Variants in TMEM108 observed in about 807,000 individuals in gnomAD.
TMEM108 encodes cancer/testis antigen 124.
A neutral mutation model predicts 35.1 loss-of-function variants in TMEM108; 12 were observed. The ratio of observed to expected loss-of-function variants is 0.34; its 90% CI spans 0.22 to 0.55. The LOEUF (loss-of-function observed/expected upper bound fraction) is 0.55. Among genes scored for constraint, TMEM108 ranks in the 20% least tolerant of loss-of-function variants. TMEM108 has a pLI of 0.89. For missense variants in TMEM108, 680 were observed against 753.3 expected (o/e 0.90, Z 1.14); for synonymous variants, 287 against 308.6 (o/e 0.93, Z 0.73).
At chr3:133,180,573 A>T (rs1439845391) in intron 2 of TMEM108, among the ~76,000 whole-genome samples, 2 of 152,152 alleles carry the variant, frequency 1.3e-5, no homozygotes, top group Non-Finnish European at 2.9e-5. Context: ...ATCCACAAAA[A>T]ACCTTTCCCC....
At chr3:133,271,968 C>T (rs567330699) in intron 3 of TMEM108, among the ~76,000 whole-genome samples, 2 of 152,236 alleles carry the variant, frequency 1.3e-5, no homozygotes, top group Non-Finnish European at 1.5e-5. Context: ...CAAATAACAG[C>T]TATTGACAAA....
chr3:133,106,515 C>T (rs1944155486), intron 2 of TMEM108, among the ~76,000 whole-genome samples: 1 of 152,160 alleles, frequency 6.6e-6, no homozygotes, highest in Admixed American at 6.5e-5. Context: ...CCATGATCCC[C>T]AGCTACTGGT....
At chr3:133,100,508 G>A (rs1325841359) in intron 2 of TMEM108, among the ~76,000 whole-genome samples, 6 of 152,208 alleles carry the variant, frequency 3.9e-5, no homozygotes, top group African/African-American at 1.4e-4. Flanking sequence ...GGGAGGCTGA[G>A]GTGGGAGTAT....
At chr3:133,315,029 G>T (rs868653232) in intron 3 of TMEM108, among the ~76,000 whole-genome samples, 1 of 152,024 alleles carries the variant, frequency 6.6e-6, no homozygotes, top group South Asian at 2.1e-4. Context: ...TTTTGTCTCG[G>T]TTTTCCTGTT....
chr3:133,078,300 A>G (rs1042271623), intron 2 of TMEM108, among the ~76,000 whole-genome samples: 2 of 152,082 alleles, frequency 1.3e-5, no homozygotes, highest in African/African-American at 4.8e-5. Flanking sequence ...ACATGCACTC[A>G]TTTTATATCA....
intron 2 of TMEM108, among the ~76,000 whole-genome samples, chr3:133,228,251 A>C (rs1373843222): frequency 6.6e-6 from 1 of 152,208 alleles, no homozygotes; most frequent in Non-Finnish European, 1.5e-5. Flanking sequence ...GAAAACAAAA[A>C]ACCTGGCATG....
intron 3 of TMEM108, among the ~76,000 whole-genome samples, chr3:133,234,731 G>C (rs1946208141): frequency 1.3e-5 from 2 of 152,096 alleles, no homozygotes; most frequent in South Asian, 4.1e-4. Context: ...ATTCAACATA[G>C]TGTTGGAAGT....
At position 133,167,161 on chromosome 3, in the gene TMEM108, T is replaced by C. The variant is rs541848338; in HGVS notation, c.-46-62105T>C. ...CTAGATTAGCTAGAGAGAGCACTGA[T>C]TGGTGCGTTTACAAACCTTGAGCTA... is the stretch of plus-strand genomic sequence containing the variant. On this transcript the variant is annotated intron_variant, in intron 2 of 5. Transcript: ENST00000321871. Among the ~76,000 whole-genome samples, 31 of 152,358 alleles carry C rather than the reference T, an allele frequency of 2.0e-4. 1 individual carries two copies. In the South Asian group the frequency reaches 5.6e-3, roughly 27 times the overall value.
rs867576971 is a variant in TMEM108, at chr3:133,255,066, A to T, written c.40+25715A>T. Among the ~76,000 whole-genome samples, 18 of 152,248 alleles carry T rather than the reference A, an allele frequency of 1.2e-4. 1 individual carries two copies. Among genetic ancestry groups the T allele is most frequent in the South Asian group, 6.2e-4 (3 of 4,832 alleles). On this transcript the variant is annotated intron_variant, in intron 3 of 5. Transcript: ENST00000321871. ...GTGCAGAGAGAACCAGATAGAAGTC[A>T]TATAATCCTTTCTAACCTACCTTCA... is the stretch of plus-strand genomic sequence containing the variant.
intron 4 of TMEM108, among the ~76,000 whole-genome samples, chr3:133,383,455 G>A (rs1475082299): frequency 2.0e-5 from 3 of 152,188 alleles, no homozygotes; most frequent in Admixed American, 1.3e-4. Context: ...CCCATTGTGT[G>A]CCAGACACTG....
intron 3 of TMEM108, among the ~76,000 whole-genome samples, chr3:133,263,114 A>G (rs1249702602): frequency 6.6e-6 from 1 of 152,210 alleles, no homozygotes; most frequent in Non-Finnish European, 1.5e-5. Context: ...CAGGTGAGGT[A>G]GAGACCATAT....
At chr3:133,219,672 A>G (rs1184239554) in intron 2 of TMEM108, among the ~76,000 whole-genome samples, 3 of 152,048 alleles carry the variant, frequency 2.0e-5, no homozygotes, top group Non-Finnish European at 2.9e-5. Context: ...ATTGACTTTT[A>G]GTATTATACT....
At chr3:133,132,266 G>A (rs892641824) in intron 2 of TMEM108, among the ~76,000 whole-genome samples, 1 of 152,318 alleles carries the variant, frequency 6.6e-6, no homozygotes, top group East Asian at 1.9e-4. Context: ...GACTTTCATA[G>A]CTAGAGAATA....
At chr3:133,096,531 G>A (rs1944017280) in intron 2 of TMEM108, among the ~76,000 whole-genome samples, 1 of 152,122 alleles carries the variant, frequency 6.6e-6, no homozygotes, top group Non-Finnish European at 1.5e-5. Context: ...ATCAGCACAG[G>A]CTTTCTTGTC....
intron 3 of TMEM108, among the ~76,000 whole-genome samples, chr3:133,304,036 C>T (rs769559455): frequency 3.3e-5 from 5 of 152,194 alleles, no homozygotes; most frequent in African/African-American, 7.2e-5. Flanking sequence ...CTCTGCCATG[C>T]TAACAACTTC....
intron 3 of TMEM108, among the ~76,000 whole-genome samples, chr3:133,315,723 C>A (rs1375648954): frequency 6.6e-6 from 1 of 152,138 alleles, no homozygotes; most frequent in Non-Finnish European, 1.5e-5. Flanking sequence ...ACGAAGTAGC[C>A]GAGAGATGGA....
In TMEM108 at chr3:133,220,750, A is replaced by G. The variant is rs921794689; in HGVS notation, c.-46-8516A>G. Among the ~76,000 whole-genome samples the G allele has an allele frequency of 5.9e-5, 9 of 152,092 alleles. 1 individual carries two copies. The South Asian group carries it at 1.9e-3, about 32-fold the overall frequency. On this transcript the variant is annotated intron_variant, in intron 2 of 5. Coordinates refer to ENST00000321871, the MANE Select transcript of TMEM108 (RefSeq NM_023943.4). ...CTACCTGGAGGTAGGATTGGATCCT[A>G]CAGGTTAAGGGCTCAGTCCCACAAG...
intron 2 of TMEM108, among the ~76,000 whole-genome samples, chr3:133,058,003 T>G (rs901850725): frequency 1.3e-5 from 2 of 152,214 alleles, no homozygotes; most frequent in African/African-American, 2.4e-5. Flanking sequence ...GCCTCTGCCC[T>G]GCATCCTTCC....
In TMEM108 at chr3:133,070,745, A is replaced by ATGTGTGTGTGTGTGTG. The variant is rs10530634; in HGVS notation, c.-47+24737_-47+24752dup. Among the ~76,000 whole-genome samples the ATGTGTGTGTGTGTGTG allele has an allele frequency of 3.5e-3, 522 of 148,414 alleles. 5 individuals are homozygous for ATGTGTGTGTGTGTGTG. Among genetic ancestry groups the ATGTGTGTGTGTGTGTG allele is most frequent in the Admixed American group, 0.011 (168 of 14,820 alleles). On this transcript the variant is annotated intron_variant, in intron 2 of 5. Coordinates refer to ENST00000321871, the MANE Select transcript of TMEM108 (RefSeq NM_023943.4). The stretch of plus-strand genomic sequence containing the variant: ...TTGCAGTGAATGCTTTCTCTGATGT[A>ATGTGTGTGTGTGTGTG]TGTGTGTGTGTGTGTGTGTGTGTGT...
Sources: allele counts gnomAD v4.1 joint callset (sites outside exome capture counted in the v4.1 genomes callset), GRCh38; gene constraint gnomAD v4.1.1; transcripts MANE v1.5; gene names NCBI Gene and HGNC (gene_info 2026-07-23, HGNC 2026-07-21).